The following LRP1B variants were observed in gnomAD, a reference collection of about 807,000 sequenced individuals.
LRP1B encodes the protein low-density lipoprotein receptor-related protein 1B.
A neutral mutation model predicts 556.6 loss-of-function variants in LRP1B; 217 were observed. The observed-to-expected ratio is 0.39, with a 90% confidence interval of 0.35 to 0.44. The LOEUF is 0.44. LRP1B is among the 20% of genes least tolerant of loss of function. The pLI, the probability that LRP1B is intolerant of heterozygous loss-of-function variation, is 1.00. For missense variants in LRP1B, 5,053 were observed against 5,620.8 expected (o/e 0.90, Z 3.23); for synonymous variants, 2,047 against 1,865.8 (o/e 1.10, Z -2.50).
chr2:140,321,134 A>ATTATACCTAATGTC (rs776889744), intron 82 of LRP1B, among the ~76,000 whole-genome samples: 22 of 152,064 alleles, frequency 1.4e-4, no homozygotes, highest in Non-Finnish European at 2.6e-4. Context: ...TATTTTCCCC[A>ATTATACCTAATGTC]TTATACCTAA....
chr2:140,957,626 C>T lies in LRP1B; in HGVS notation c.2888-5686G>A, dbSNP rs191420545. Among the ~76,000 whole-genome samples the T allele has an allele frequency of 8.7e-4, 132 of 151,432 alleles. 4 individuals carry two copies. The East Asian group carries it at 0.022, about 26-fold the overall frequency. ...ACAAAGAATATAAATTTTCAGAGTCCAGAAATAAAAGGGGTCCTAAAAACT... is the reference window on the plus strand; with the variant it reads ...ACAAAGAATATAAATTTTCAGAGTCTAGAAATAAAAGGGGTCCTAAAAACT... On this transcript the variant is annotated intron_variant, in intron 18 of 90. Coordinates refer to ENST00000389484, the MANE Select transcript of LRP1B (RefSeq NM_018557.3).
chr2:141,746,425 G>A (rs868280500), intron 2 of LRP1B, among the ~76,000 whole-genome samples: 19 of 152,200 alleles, frequency 1.2e-4, no homozygotes, highest in African/African-American at 4.3e-4. Flanking sequence ...AGCTGTGACA[G>A]GGCAGCACTG....
At chr2:140,864,496 G>C (rs936929046) in intron 27 of LRP1B, among the ~76,000 whole-genome samples, 3 of 151,792 alleles carry the variant, frequency 2.0e-5, no homozygotes, top group Non-Finnish European at 4.4e-5. Context: ...CAACTGTAAA[G>C]TACTAATAAA....
chr2:141,133,156 A>G (rs1253683987), intron 7 of LRP1B, among the ~76,000 whole-genome samples: 3 of 152,052 alleles, frequency 2.0e-5, no homozygotes, highest in Admixed American at 6.6e-5. Context: ...TTAGCACCAC[A>G]GGAAAAAATG....
At chr2:142,046,058 C>A (rs915993306) in intron 1 of LRP1B, among the ~76,000 whole-genome samples, 1 of 151,782 alleles carries the variant, frequency 6.6e-6, no homozygotes. Flanking sequence ...TAAACCAGAG[C>A]GCTAATTGAT....
At chr2:140,925,833 G>A (rs1694867682) in intron 20 of LRP1B, among the ~76,000 whole-genome samples, 1 of 152,212 alleles carries the variant, frequency 6.6e-6, no homozygotes, top group East Asian at 1.9e-4. Context: ...TTTATATGGG[G>A]CCAAACTCAA....
intron 1 of LRP1B, among the ~76,000 whole-genome samples, chr2:141,993,202 C>A (rs906464078): frequency 6.6e-6 from 1 of 151,970 alleles, no homozygotes; most frequent in Non-Finnish European, 1.5e-5. Flanking sequence ...ACCCAAAGAC[C>A]AGGAATCTGC....
chr2:141,778,085 A>G (rs915256725), intron 2 of LRP1B, among the ~76,000 whole-genome samples: 1 of 152,282 alleles, frequency 6.6e-6, no homozygotes, highest in East Asian at 1.9e-4. Flanking sequence ...TGGAAAACCA[A>G]ATAGCATTGG....
intron 66 of LRP1B, among the ~76,000 whole-genome samples, chr2:140,438,395 CGG>C (rs1686281781): frequency 6.6e-6 from 1 of 152,082 alleles, no homozygotes; most frequent in Non-Finnish European, 1.5e-5. Flanking sequence ...ATAGCTATAA[CGG>C]TATAGCTTAG....
At chr2:140,998,089 T>C (rs1328564970) in intron 15 of LRP1B, among the ~76,000 whole-genome samples, 8 of 152,006 alleles carry the variant, frequency 5.3e-5, no homozygotes. Context: ...AGCAGATAAA[T>C]GGTTCACCAT....
intron 5 of LRP1B, among the ~76,000 whole-genome samples, chr2:141,231,573 T>C (rs1299108633): frequency 6.6e-6 from 1 of 151,642 alleles, no homozygotes; most frequent in African/African-American, 2.4e-5. Flanking sequence ...GCAGCTTATA[T>C]AGCACGTAGC....
chr2:141,089,016 T>G (rs920362160), intron 7 of LRP1B, among the ~76,000 whole-genome samples: 1 of 152,214 alleles, frequency 6.6e-6, no homozygotes, highest in Non-Finnish European at 1.5e-5. Context: ...ATGACTTTTA[T>G]AGATAGTCTC....
chr2:142,038,264 T>C (rs1703953451), intron 1 of LRP1B, among the ~76,000 whole-genome samples: 2 of 151,564 alleles, frequency 1.3e-5, no homozygotes, highest in South Asian at 4.1e-4. Flanking sequence ...ATGCCTTGAA[T>C]GCAATGATAC....
At chr2:141,449,131 A>T (rs1573957625) in intron 3 of LRP1B, among the ~76,000 whole-genome samples, 1 of 152,218 alleles carries the variant, frequency 6.6e-6, no homozygotes, top group Non-Finnish European at 1.5e-5. Context: ...ATCAAGTAGC[A>T]TATTACTTGG....
intron 66 of LRP1B, among the ~76,000 whole-genome samples, chr2:140,439,424 A>G (rs947224118): frequency 6.6e-6 from 1 of 152,182 alleles, no homozygotes; most frequent in African/African-American, 2.4e-5. Context: ...AAGTGATTTT[A>G]TATGAACTAT....
At position 141,262,071 on chromosome 2, in the gene LRP1B, T is replaced by A. The variant is rs542622002; in HGVS notation, c.344-7430A>T. On this transcript the variant is annotated intron_variant, in intron 3 of 90. Transcript: ENST00000389484. ...GTATTTTCAGCTTTTAATTTAATTT[T>A]ATTTTTTAGTCATTTGAGTATATAT... is the stretch of plus-strand genomic sequence containing the variant. Among the ~76,000 whole-genome samples the A allele has an allele frequency of 1.2e-3, 190 of 152,324 alleles. 1 individual carries two copies. The highest frequency in any genetic ancestry group is 3.7e-3 in the African/African-American group (154 of 41,588).
chr2:141,572,918 T>C (rs1013406474), intron 2 of LRP1B, among the ~76,000 whole-genome samples: 1 of 152,006 alleles, frequency 6.6e-6, no homozygotes, highest in Non-Finnish European at 1.5e-5. Context: ...ATCTATGCCC[T>C]ATGCCCTAAT....
intron 14 of LRP1B, among the ~76,000 whole-genome samples, chr2:141,006,386 A>G (rs1457203358): frequency 2.6e-5 from 4 of 152,058 alleles, no homozygotes; most frequent in Non-Finnish European, 5.9e-5. Flanking sequence ...TACTCCTCCT[A>G]TCTAGCTGTA....
At chr2:141,744,575 C>A (rs1693842949) in intron 2 of LRP1B, among the ~76,000 whole-genome samples, 1 of 152,144 alleles carries the variant, frequency 6.6e-6, no homozygotes, top group South Asian at 2.1e-4. Flanking sequence ...CTGTCCAATG[C>A]TGAAAGTGGG....
Sources: allele counts gnomAD v4.1 joint callset (sites outside exome capture counted in the v4.1 genomes callset), GRCh38; gene constraint gnomAD v4.1.1; transcripts MANE v1.5; gene names NCBI Gene and HGNC (gene_info 2026-07-23, HGNC 2026-07-21).